PTPN4: variants seen among roughly 807,000 people sequenced by gnomAD.
PTPN4 encodes tyrosine-protein phosphatase non-receptor type 4.
A neutral mutation model predicts 135.5 loss-of-function variants in PTPN4; 49 were observed. The ratio of observed to expected loss-of-function variants is 0.36; its 90% CI spans 0.29 to 0.46. PTPN4 has a LOEUF of 0.46. Among genes scored for constraint, PTPN4 ranks in the 20% least tolerant of loss-of-function variants. The probability of loss-of-function intolerance (pLI) is 1.00; values close to 1 mark genes in which losing one functional copy is unlikely to be tolerated. For missense variants in PTPN4, 860 were observed against 1,101.0 expected, an observed-to-expected ratio of 0.78 and a Z score of 3.10; for synonymous variants, 333 against 369.9, an observed-to-expected ratio of 0.90 and a Z score of 1.14.
At chr2:119,782,402 G>A (rs1211864439) in intron 1 of PTPN4, among the ~76,000 whole-genome samples, 1 of 152,096 alleles carries the variant, frequency 6.6e-6, no homozygotes, top group African/African-American at 2.4e-5. Context: ...CTGGGCGACA[G>A]AGCGAGACTC....
chr2:119,965,407 T>C (rs1679432149), intron 24 of PTPN4, 90 bp from the exon 25 acceptor site: 3 of 1,257,312 alleles, frequency 2.4e-6, no homozygotes, highest in Non-Finnish European at 3.3e-6. Context: ...TATCTCCCCC[T>C]CCCTTCTTTC....
At chr2:119,897,836 A>G (rs1315493962) in intron 9 of PTPN4, among the ~76,000 whole-genome samples, 1 of 152,230 alleles carries the variant, frequency 6.6e-6, no homozygotes, top group Admixed American at 6.5e-5. Context: ...AAGTGTAAGC[A>G]TAAAATTACC....
At position 119,759,948 on chromosome 2, in the gene PTPN4, C is replaced by A. The variant is rs1403008047; in HGVS notation, c.-454C>A. On this transcript the variant is annotated 5_prime_UTR_variant, in exon 1 of 27. Coordinates refer to ENST00000263708, the MANE Select transcript of PTPN4 (RefSeq NM_002830.4). ...GGATTACCCGCCAGCTCACGCCGCG[C>A]AGTGCGCTTTTCCGCTCCTCGCGCC... The A allele has an allele frequency of 2.7e-6, 1 of 367,890 alleles. No individual in the cohort carries two copies. The highest frequency in any genetic ancestry group is 2.1e-5 in the African/African-American group (1 of 47,666). The allele number at this position is 367,890 out of a possible 1,614,324, so 22.8% of individuals were successfully genotyped here.
intron 26 of PTPN4, among the ~76,000 whole-genome samples, chr2:119,969,427 A>T (rs747197971): frequency 1.4e-4 from 21 of 152,050 alleles, no homozygotes; most frequent in Admixed American, 6.6e-5. Flanking sequence ...CTTTCCCTGT[A>T]TTTGAAGCAA....
intron 2 of PTPN4, among the ~76,000 whole-genome samples, chr2:119,852,076 A>G (rs1003559826): frequency 3.9e-5 from 6 of 152,046 alleles, no homozygotes; most frequent in Non-Finnish European, 7.4e-5. Flanking sequence ...CCTTTCTCCT[A>G]TTTTGTTACC....
In PTPN4 at chr2:119,981,554, T is replaced by C. The variant is rs142008213; in HGVS notation, c.*4484T>C. ...ATTTTATAAAACTCTTAGAGAATTA[T>C]GTAGATAAAATGGAAATTACATAAT... On this transcript the variant is annotated 3_prime_UTR_variant, in exon 27 of 27. Transcript: ENST00000263708. 153 of 152,252 alleles carry C rather than the reference T, an allele frequency of 1.0e-3. No individual in the cohort carries two copies. The highest frequency in any genetic ancestry group is 3.2e-3 in the African/African-American group (134 of 41,564). The allele number at this position is 152,252 out of a possible 1,614,324, so 9.4% of individuals were successfully genotyped here.
intron 26 of PTPN4, among the ~76,000 whole-genome samples, chr2:119,968,635 C>A (rs1558777963): frequency 1.3e-5 from 2 of 151,354 alleles, no homozygotes; most frequent in Non-Finnish European, 3.0e-5. Flanking sequence ...ACTAAAAATG[C>A]AAAAAAAATA....
chr2:119,902,272 A>C (rs759660064), intron 10 of PTPN4, among the ~76,000 whole-genome samples: 7 of 152,226 alleles, frequency 4.6e-5, no homozygotes, highest in Non-Finnish European at 8.8e-5. Context: ...GGAGTGAAAT[A>C]TTTTGGTTAA....
chr2:119,773,528 G>A (rs1487434281), intron 1 of PTPN4, among the ~76,000 whole-genome samples: 2 of 151,982 alleles, frequency 1.3e-5, no homozygotes, highest in African/African-American at 4.8e-5. Context: ...ACGAGGTCAG[G>A]AGTTCAAGAC....
At chr2:119,874,607 C>T (rs1574381796) in intron 3 of PTPN4, among the ~76,000 whole-genome samples, 2 of 152,110 alleles carry the variant, frequency 1.3e-5, no homozygotes, top group East Asian at 3.9e-4. Flanking sequence ...TTGTTAGGGG[C>T]AACAGGGAAG....
At chr2:119,911,788 T>G (rs947616680) in intron 10 of PTPN4, among the ~76,000 whole-genome samples, 1 of 152,162 alleles carries the variant, frequency 6.6e-6, no homozygotes, top group Non-Finnish European at 1.5e-5. Flanking sequence ...ATGCAAGTAG[T>G]AAGCATTAAG....
chr2:119,770,337 A>G (rs1009459740), intron 1 of PTPN4, among the ~76,000 whole-genome samples: 14 of 152,230 alleles, frequency 9.2e-5, no homozygotes, highest in African/African-American at 3.4e-4. Flanking sequence ...CATAATTCTC[A>G]GACTTGTCAT....
At chr2:119,822,218 C>T (rs1300951116) in intron 2 of PTPN4, among the ~76,000 whole-genome samples, 3 of 152,162 alleles carry the variant, frequency 2.0e-5, no homozygotes, top group Non-Finnish European at 4.4e-5. Flanking sequence ...CTGTTTCTCA[C>T]ACTTATCCTC....
intron 3 of PTPN4, 92 bp downstream of exon 3, chr2:119,862,735 T>G (rs1677779096): frequency 9.9e-7 from 1 of 1,012,954 alleles, no homozygotes; most frequent in East Asian, 2.6e-5. Context: ...TTCACTGATT[T>G]GATGAGTTTT....
At chr2:119,915,057 T>G in intron 10 of PTPN4, 122 bp from the exon 11 acceptor site, 1 of 769,282 alleles carries the variant, frequency 1.3e-6, no homozygotes, top group Non-Finnish European at 1.9e-6. Context: ...ATGTACTATG[T>G]GTATGTATAT....
chr2:119,912,196 G>A (rs889813605), intron 10 of PTPN4, among the ~76,000 whole-genome samples: 4 of 152,296 alleles, frequency 2.6e-5, no homozygotes, highest in African/African-American at 9.6e-5. Context: ...CATACTGTAT[G>A]CTTCCATTTA....
At chr2:119,969,980 G>C (rs72952829) in intron 26 of PTPN4, among the ~76,000 whole-genome samples, 1 of 152,104 alleles carries the variant, frequency 6.6e-6, no homozygotes, top group Non-Finnish European at 1.5e-5. Flanking sequence ...AAATTCAGCC[G>C]CTTAAAGTAT....
At chr2:119,821,343 G>A (rs1677066130) in intron 2 of PTPN4, among the ~76,000 whole-genome samples, 1 of 150,374 alleles carries the variant, frequency 6.7e-6, no homozygotes, top group African/African-American at 2.4e-5. Flanking sequence ...TGCCCAGCTG[G>A]GCCTCCCAGA....
intron 9 of PTPN4, among the ~76,000 whole-genome samples, chr2:119,888,379 C>T (rs528909481): frequency 1.7e-4 from 26 of 152,162 alleles, no homozygotes; most frequent in African/African-American, 6.0e-4. Context: ...ACTTCCACTA[C>T]TATGTTGAAT....
Sources: allele counts gnomAD v4.1 joint callset (sites outside exome capture counted in the v4.1 genomes callset), GRCh38; gene constraint gnomAD v4.1.1; transcripts MANE v1.5; gene names NCBI Gene and HGNC (gene_info 2026-07-23, HGNC 2026-07-21).